Variants in IQSEC3 observed in about 807,000 individuals in gnomAD.
IQSEC3 encodes the protein IQ motif and Sec7 domain ArfGEF 3.
IQSEC3 carries 50 observed loss-of-function variants against 105.4 expected under a neutral mutation model. The observed-to-expected ratio is 0.47, with a 90% CI of 0.38 to 0.60. The LOEUF (loss-of-function observed/expected upper bound fraction) is 0.60, where lower values mean the gene tolerates loss of function less well. IQSEC3 is among the 20% of genes least tolerant of loss of function. IQSEC3 has a pLI of 0.00. For synonymous variants in IQSEC3, 708 were observed against 746.0 expected, an observed-to-expected ratio of 0.95 and a Z score of 0.83; for missense variants, 1,415 against 1,630.0, an observed-to-expected ratio of 0.87 and a Z score of 2.27.
chr12:111,400 C>T (rs1232456325), intron 2 of IQSEC3, among the ~76,000 whole-genome samples: 1 of 152,128 alleles, frequency 6.6e-6, no homozygotes, highest in African/African-American at 2.4e-5. Flanking sequence ...GCAGCATTCT[C>T]CCCAGCGGAC....
intron 1 of IQSEC3, among the ~76,000 whole-genome samples, chr12:91,347 T>C (rs1864078024): frequency 6.6e-6 from 1 of 152,192 alleles, no homozygotes; most frequent in South Asian, 2.1e-4. Flanking sequence ...CAGCCTCCTG[T>C]AATCCTGTGA....
At chr12:98,225 C>CT (rs1555075177) in intron 1 of IQSEC3, among the ~76,000 whole-genome samples, 1 of 152,172 alleles carries the variant, frequency 6.6e-6, no homozygotes, top group African/African-American at 2.4e-5. Context: ...CCCAGGTTGG[C>CT]TCAAAGCGGA....
rs1863805208 is a variant in IQSEC3, at chr12:83,194, G to A, written c.554+15758G>A. Among the ~76,000 whole-genome samples, 3 of 152,128 alleles carry A rather than the reference G, an allele frequency of 2.0e-5. 1 individual carries two copies. In the South Asian group the frequency reaches 6.2e-4, roughly 32 times the overall value. On this transcript the variant is annotated intron_variant, in intron 1 of 13. Coordinates refer to ENST00000538872, the MANE Select transcript of IQSEC3 (RefSeq NM_001170738.2). ...GAGCGTGGCATTGTCATTTAGGGAT[G>A]GGAAATTCTGTTTAGGTTCCTCAAG...
At chr12:154,752 CTCTG>C (rs1866627588) in intron 5 of IQSEC3, among the ~76,000 whole-genome samples, 7 of 152,294 alleles carry the variant, frequency 4.6e-5, no homozygotes, top group Middle Eastern at 3.4e-3. Context: ...CCTCGTGCCT[CTCTG>C]TCTTTCCGCC....
At position 99,150 on chromosome 12, in the gene IQSEC3, G is replaced by A. The variant is rs1421449521; in HGVS notation, c.559G>A (p.Glu187Lys). 1.9e-6 allele frequency: 3 copies of A among 1,598,598 alleles called. No homozygotes were observed. The highest frequency in any genetic ancestry group is 2.5e-6 in the Non-Finnish European group (3 of 1,179,592). The change falls in exon 2 of 14, where the codon GAG becomes AAG. Residue 187 changes from glutamate (E) to lysine (K), a missense_variant. By Grantham distance (56) the Glu-to-Lys change is moderately conservative (BLOSUM62 1). Coordinates refer to ENST00000538872, the MANE Select transcript of IQSEC3 (RefSeq NM_001170738.2). Reference sequence around the variant, plus strand: ...CTCCCTCTGCTCTGCCCGCAGGAATGAGACCGTGCTGCACCAGTTCTGCTG... The same window carrying A: ...CTCCCTCTGCTCTGCCCGCAGGAATAAGACCGTGCTGCACCAGTTCTGCTG... The part of the protein sequence containing the change: ...KGVLSRRPEN[E>K]TVLHQFCCPA...
intron 8 of IQSEC3, 45 bp from the exon 9 acceptor site, chr12:163,449 T>G: frequency 3.3e-6 from 5 of 1,531,500 alleles, no homozygotes; most frequent in Non-Finnish European, 4.4e-6. Flanking sequence ...TGGGGAGGCC[T>G]CCAGGCCTCT....
chr12:126,039 C>T, intron 3 of IQSEC3, 127 bp downstream of exon 3: 1 of 1,012,826 alleles, frequency 9.9e-7, no homozygotes, highest in Non-Finnish European at 1.4e-6. Context: ...TGCCACAGTT[C>T]TCCTGCATTG....
intron 12 of IQSEC3, 94 bp from the exon 13 acceptor site, chr12:171,018 G>C: frequency 6.6e-7 from 1 of 1,504,060 alleles, no homozygotes; most frequent in Non-Finnish European, 9.2e-7. Context: ...GTGACCCCAA[G>C]TCTTAGCTGC....
intron 2 of IQSEC3, among the ~76,000 whole-genome samples, chr12:111,031 G>A (rs1864866593): frequency 6.6e-6 from 1 of 152,112 alleles, no homozygotes; most frequent in Non-Finnish European, 1.5e-5. Context: ...CCTTCTTGCT[G>A]CCCCCCGATC....
intron 1 of IQSEC3, among the ~76,000 whole-genome samples, chr12:79,619 C>T (rs1173292821): frequency 1.3e-5 from 2 of 151,940 alleles, no homozygotes; most frequent in Non-Finnish European, 2.9e-5. Context: ...TTTGTAGAGA[C>T]GGAGGCCTCC....
chr12:104,669 C>G (rs1864582185), intron 2 of IQSEC3, among the ~76,000 whole-genome samples: 2 of 152,248 alleles, frequency 1.3e-5, no homozygotes, highest in Admixed American at 1.3e-4. Context: ...CCCTGGTGGC[C>G]CACGTGGCTG....
chr12:160,176 GTTT>G (rs34294220), intron 7 of IQSEC3, among the ~76,000 whole-genome samples: 14 of 148,608 alleles, frequency 9.4e-5, no homozygotes, highest in Middle Eastern at 3.4e-3. Context: ...CCTTTTTTCT[GTTT>G]TTTTTTTCCC....
At chr12:108,998 G>A (rs1351674115) in intron 2 of IQSEC3, among the ~76,000 whole-genome samples, 2 of 152,206 alleles carry the variant, frequency 1.3e-5, no homozygotes, top group Admixed American at 6.5e-5. Flanking sequence ...CAGCTGCAAG[G>A]GTCGCCCCTT....
At chr12:141,006 A>T in intron 4 of IQSEC3, 118 bp from the exon 5 acceptor site, 1 of 1,045,582 alleles carries the variant, frequency 9.6e-7, no homozygotes, top group Non-Finnish European at 1.4e-6. Context: ...GAGAAGCTTC[A>T]ATGGGGAACT....
chr12:169,086 A>AAAGC lies in IQSEC3; in HGVS notation c.3049_3052dup (p.Gly1018AlafsTer54). On this transcript the variant is annotated frameshift_variant, in exon 12 of 14. Coordinates refer to ENST00000538872, the MANE Select transcript of IQSEC3 (RefSeq NM_001170738.2). LOFTEE classifies it high-confidence loss of function. ...GCGGAGCCCAGGGGGACCCACAGTC[A>AAAGC]AAGCAAGGATCGCCGACAGGTGAGC... The AAAGC allele has an allele frequency of 1.2e-6, 2 of 1,613,984 alleles. No homozygotes were observed. Among genetic ancestry groups the AAAGC allele is most frequent in the Non-Finnish European group, 1.7e-6 (2 of 1,180,008 alleles).
intron 8 of IQSEC3, among the ~76,000 whole-genome samples, chr12:163,065 G>A (rs1179022626): frequency 1.3e-5 from 2 of 152,138 alleles, no homozygotes; most frequent in Non-Finnish European, 2.9e-5. Context: ...GGGGGTGAAC[G>A]TGCGAGGGAA....
At chr12:122,290 G>T (rs1445090435) in intron 2 of IQSEC3, among the ~76,000 whole-genome samples, 2 of 152,140 alleles carry the variant, frequency 1.3e-5, no homozygotes, top group Non-Finnish European at 2.9e-5. Flanking sequence ...AAGCAGGAAG[G>T]GTCCCTAGAG....
intron 8 of IQSEC3, 134 bp from the exon 9 acceptor site, chr12:163,349 GAACCGGACCCC>G (rs1867005517): frequency 1.6e-6 from 1 of 613,868 alleles, no homozygotes; most frequent in African/African-American, 2.4e-5. Flanking sequence ...TCCCTCCACA[GAACCGGACCCC>G]TCCCCTCTCC....
chr12:122,415 C>T (rs1350322914), intron 2 of IQSEC3, among the ~76,000 whole-genome samples: 1 of 152,162 alleles, frequency 6.6e-6, no homozygotes, highest in Non-Finnish European at 1.5e-5. Context: ...TGTGTGTGTA[C>T]ATGAGTATAT....
Sources: gnomAD v4.1 joint callset for allele counts (sites outside exome capture counted in the v4.1 genomes callset) on GRCh38, gnomAD v4.1.1 for gene constraint, MANE v1.5 for transcripts, NCBI Gene and HGNC (gene_info 2026-07-23, HGNC 2026-07-21) for gene names.